CCDC91: variants seen among roughly 807,000 people sequenced by gnomAD.
CCDC91 encodes coiled-coil domain containing 91.
A neutral mutation model predicts 63.2 loss-of-function variants in CCDC91; 48 were observed. The observed-to-expected ratio is 0.76, with a 90% CI of 0.60 to 0.97. The LOEUF (loss-of-function observed/expected upper bound fraction) is 0.97, where lower values mean the gene tolerates loss of function less well. Ranked by LOEUF, CCDC91 falls within the 50% of genes least tolerant of loss-of-function variation. The pLI, the probability that CCDC91 is intolerant of heterozygous loss-of-function variation, is 0.00. For synonymous variants in CCDC91, 167 were observed against 165.8 expected (o/e 1.01, Z -0.06); for missense variants, 500 against 494.6 (o/e 1.01, Z -0.10).
intron 12 of CCDC91, among the ~76,000 whole-genome samples, chr12:28,540,816 C>G (rs775053402): frequency 2.6e-5 from 4 of 152,054 alleles, no homozygotes; most frequent in African/African-American, 4.8e-5. Flanking sequence ...TGCACTCTTG[C>G]TTTCTTTCAT....
chr12:28,319,716 A>G (rs1940283045), intron 6 of CCDC91, among the ~76,000 whole-genome samples: 1 of 151,690 alleles, frequency 6.6e-6, no homozygotes, highest in Non-Finnish European at 1.5e-5. Flanking sequence ...AATAAGAGAA[A>G]AAGTCTATAT....
At chr12:28,307,134 T>G (rs1413853763) in intron 5 of CCDC91, among the ~76,000 whole-genome samples, 189 bp downstream of exon 5, 1 of 152,008 alleles carries the variant, frequency 6.6e-6, no homozygotes, top group East Asian at 1.9e-4. Context: ...TATGTACTTT[T>G]AAAGATATGA....
At chr12:28,531,509 A>G (rs1485857536) in intron 12 of CCDC91, among the ~76,000 whole-genome samples, 2 of 152,130 alleles carry the variant, frequency 1.3e-5, no homozygotes, top group Non-Finnish European at 2.9e-5. Flanking sequence ...TTCATGTGAT[A>G]CTGTATTTTA....
At chr12:28,459,608 T>C (rs754025018) in intron 11 of CCDC91, among the ~76,000 whole-genome samples, 1 of 146,428 alleles carries the variant, frequency 6.8e-6, no homozygotes, top group South Asian at 2.1e-4. Context: ...CTGATTCTTA[T>C]TATTGTTACT....
At chr12:28,223,375 G>A (rs1355464394) in intron 1 of CCDC91, among the ~76,000 whole-genome samples, 1 of 152,068 alleles carries the variant, frequency 6.6e-6, no homozygotes, top group Non-Finnish European at 1.5e-5. Context: ...ATATGTAAAT[G>A]AGTTTCTTTG....
chr12:28,278,515 C>T (rs540279141), intron 3 of CCDC91, among the ~76,000 whole-genome samples: 1 of 152,114 alleles, frequency 6.6e-6, no homozygotes, highest in East Asian at 1.9e-4. Context: ...ACTCTTATTT[C>T]TTTTCGCACT....
intron 8 of CCDC91, among the ~76,000 whole-genome samples, chr12:28,443,555 TG>T (rs1440057623): frequency 6.6e-6 from 1 of 152,008 alleles, no homozygotes. Context: ...TAAGGTCTAA[TG>T]GAAGCAACAG....
At chr12:28,378,642 G>A (rs988806026) in intron 7 of CCDC91, among the ~76,000 whole-genome samples, 2 of 152,016 alleles carry the variant, frequency 1.3e-5, no homozygotes, top group African/African-American at 4.8e-5. Context: ...TTAATCCAAA[G>A]GTATAAAATA....
At chr12:28,201,364 T>A (rs1098599) in intron 1 of CCDC91, among the ~76,000 whole-genome samples, 1 of 121,468 alleles carries the variant, frequency 8.2e-6, no homozygotes, top group Non-Finnish European at 1.8e-5. Context: ...CGCGGCCAGG[T>A]AGAGGAGCTC....
chr12:28,403,556 G>T (rs1250081834), intron 8 of CCDC91, among the ~76,000 whole-genome samples: 1 of 151,974 alleles, frequency 6.6e-6, no homozygotes, highest in African/African-American at 2.4e-5. Flanking sequence ...TTTAATAAGG[G>T]TACTAATCAC....
intron 6 of CCDC91, among the ~76,000 whole-genome samples, chr12:28,314,440 T>C (rs537017105): frequency 6.6e-6 from 1 of 152,184 alleles, no homozygotes; most frequent in Admixed American, 6.6e-5. Context: ...ATAAAGTTGG[T>C]TAAGGGGTAG....
chr12:28,342,865 G>A (rs1053977789), intron 6 of CCDC91, among the ~76,000 whole-genome samples: 3 of 151,942 alleles, frequency 2.0e-5, no homozygotes, highest in Non-Finnish European at 4.4e-5. Flanking sequence ...AGAGAGTTGA[G>A]GAGATATTGG....
chr12:28,338,102 G>A (rs1437483112), intron 6 of CCDC91, among the ~76,000 whole-genome samples: 2 of 152,102 alleles, frequency 1.3e-5, no homozygotes, highest in African/African-American at 2.4e-5. Flanking sequence ...AGTTTCTCAG[G>A]TGGTGATGGT....
chr12:28,249,000 C>T (rs1306142026), intron 1 of CCDC91, among the ~76,000 whole-genome samples: 1 of 152,098 alleles, frequency 6.6e-6, no homozygotes, highest in Non-Finnish European at 1.5e-5. Flanking sequence ...AGTACAGATG[C>T]TGGTAGCTAT....
intron 8 of CCDC91, among the ~76,000 whole-genome samples, chr12:28,410,445 A>G (rs1177703018): frequency 6.6e-6 from 1 of 152,136 alleles, no homozygotes; most frequent in Non-Finnish European, 1.5e-5. Flanking sequence ...TAGGAAGCAT[A>G]TTATTGCATC....
At chr12:28,545,043 T>C (rs1942891014) in intron 12 of CCDC91, among the ~76,000 whole-genome samples, 2 of 151,992 alleles carry the variant, frequency 1.3e-5, no homozygotes, top group Non-Finnish European at 2.9e-5. Flanking sequence ...ATTTTTCAGA[T>C]ATGTGTAAGA....
At position 28,391,404 on chromosome 12, in the gene CCDC91, A is replaced by C; in HGVS notation, c.755A>C (p.Asn252Thr). The change falls in exon 8 of 13, where the codon AAT becomes ACT. Residue 252 changes from asparagine to threonine, a missense_variant. Physicochemically the swap from Asn to Thr is moderately conservative, Grantham distance 65. Transcript: ENST00000536442. ...KQAHKCEELL[N>T]AQHQRLLEML... Reference sequence around the variant, plus strand: ...GCACACAAGTGTGAGGAGTTGCTAAATGCTCAGGTAATAAAAGTGCACATC... The same window carrying C: ...GCACACAAGTGTGAGGAGTTGCTAACTGCTCAGGTAATAAAAGTGCACATC... 6.3e-7 allele frequency: 1 copy of C among 1,589,992 alleles called. No homozygotes were observed. The highest frequency in any genetic ancestry group is 1.3e-5 in the African/African-American group (1 of 74,584).
At chr12:28,316,851 C>G (rs910890826) in intron 6 of CCDC91, among the ~76,000 whole-genome samples, 1 of 151,890 alleles carries the variant, frequency 6.6e-6, no homozygotes, top group Non-Finnish European at 1.5e-5. Flanking sequence ...TCTTTCTTCT[C>G]TCTCTATTGT....
intron 8 of CCDC91, among the ~76,000 whole-genome samples, chr12:28,401,321 T>C (rs1293886376): frequency 6.6e-6 from 1 of 152,074 alleles, no homozygotes; most frequent in East Asian, 1.9e-4. Flanking sequence ...CAAGAAAAAG[T>C]GGGAAAAGCC....
Sources: allele counts gnomAD v4.1 joint callset (sites outside exome capture counted in the v4.1 genomes callset), GRCh38; gene constraint gnomAD v4.1.1; transcripts MANE v1.5; gene names NCBI Gene and HGNC (gene_info 2026-07-23, HGNC 2026-07-21).